CDH13: variants seen among roughly 807,000 people sequenced by gnomAD.
CDH13 encodes cadherin 13.
A neutral mutation model predicts 63.8 loss-of-function variants in CDH13; 24 were observed. That is an observed-to-expected ratio of 0.38 (90% CI 0.27 to 0.53). The LOEUF is 0.53. CDH13 is among the 20% of genes least tolerant of loss of function. CDH13 has a pLI of 0.85. For synonymous variants in CDH13, 503 were observed against 355.3 expected, an observed-to-expected ratio of 1.42 and a Z score of -4.67; for missense variants, 1,049 against 903.1, an observed-to-expected ratio of 1.16 and a Z score of -2.07.
intron 6 of CDH13, among the ~76,000 whole-genome samples, chr16:83,424,886 C>G (rs1262217144): frequency 6.6e-6 from 1 of 152,142 alleles, no homozygotes; most frequent in Admixed American, 6.5e-5. Context: ...CTCACACAGA[C>G]AAAGATTTAC....
At position 83,069,356 on chromosome 16, in the gene CDH13, A is replaced by G. The variant is rs542527531; in HGVS notation, c.366+37138A>G. On this transcript the variant is annotated intron_variant, in intron 3 of 13. Coordinates refer to ENST00000567109, the MANE Select transcript of CDH13 (RefSeq NM_001257.5). ...TCTGATTAATAAAAATAATTTGTAA[A>G]TATGATCACATAATTTTTGCAATAC... Among the ~76,000 whole-genome samples the G allele has an allele frequency of 3.2e-4, 48 of 152,294 alleles. No homozygotes were observed. The South Asian group carries it at 3.3e-3, about 11-fold the overall frequency.
At chr16:83,416,507 C>T (rs948498797) in intron 6 of CDH13, among the ~76,000 whole-genome samples, 2 of 152,162 alleles carry the variant, frequency 1.3e-5, no homozygotes, top group African/African-American at 4.8e-5. Context: ...TTAAGTATCT[C>T]CCAATATTCA....
chr16:82,878,862 G>C (rs2040595999), intron 2 of CDH13, among the ~76,000 whole-genome samples: 1 of 152,110 alleles, frequency 6.6e-6, no homozygotes, highest in Non-Finnish European at 1.5e-5. Flanking sequence ...AGATAGATCA[G>C]GACTGATTTT....
intron 5 of CDH13, among the ~76,000 whole-genome samples, chr16:83,232,829 T>C (rs920247900): frequency 2.0e-5 from 3 of 152,224 alleles, no homozygotes; most frequent in African/African-American, 7.2e-5. Flanking sequence ...TAGGAATTGA[T>C]AGCTCCAGCC....
chr16:82,783,075 C>G (rs1395874111), intron 1 of CDH13, among the ~76,000 whole-genome samples: 1 of 152,228 alleles, frequency 6.6e-6, no homozygotes, highest in Non-Finnish European at 1.5e-5. Context: ...TGCTTGTTGA[C>G]AACAGGTGTG....
chr16:82,744,424 C>G (rs1318477186), intron 1 of CDH13, among the ~76,000 whole-genome samples: 1 of 151,978 alleles, frequency 6.6e-6, no homozygotes, highest in Non-Finnish European at 1.5e-5. Context: ...TGGGATTGTT[C>G]CTCGGGTTCC....
At chr16:82,772,856 G>C (rs2035326218) in intron 1 of CDH13, among the ~76,000 whole-genome samples, 1 of 152,178 alleles carries the variant, frequency 6.6e-6, no homozygotes, top group Admixed American at 6.5e-5. Flanking sequence ...TGACAGAATA[G>C]GTCCCACTTC....
intron 5 of CDH13, among the ~76,000 whole-genome samples, chr16:83,344,307 T>C (rs1338572837): frequency 6.6e-6 from 1 of 152,188 alleles, no homozygotes; most frequent in African/African-American, 2.4e-5. Flanking sequence ...TGTTGTGAAA[T>C]CCTCCGAAAT....
chr16:82,921,768 A>C (rs2042162345), intron 2 of CDH13, among the ~76,000 whole-genome samples: 1 of 152,164 alleles, frequency 6.6e-6, no homozygotes, highest in Admixed American at 6.5e-5. Context: ...TCATAGAATG[A>C]GTTGGGAAGT....
intron 3 of CDH13, among the ~76,000 whole-genome samples, chr16:83,077,232 A>G (rs1251797056): frequency 1.8e-5 from 2 of 110,676 alleles, no homozygotes; most frequent in African/African-American, 7.4e-5. Context: ...TCACTCTGTC[A>G]CCTAGGCTGG....
At chr16:82,731,942 G>A (rs1024001273) in intron 1 of CDH13, among the ~76,000 whole-genome samples, 2 of 152,088 alleles carry the variant, frequency 1.3e-5, no homozygotes, top group Non-Finnish European at 2.9e-5. Flanking sequence ...AGGCCTTTGA[G>A]TGGTTCCTCC....
intron 6 of CDH13, among the ~76,000 whole-genome samples, chr16:83,412,187 C>A (rs746364234): frequency 2.0e-5 from 3 of 152,208 alleles, no homozygotes; most frequent in Non-Finnish European, 1.5e-5. Flanking sequence ...AAAGGCCAGG[C>A]ATGGTAGCTC....
At chr16:83,139,623 T>C (rs1174298841) in intron 4 of CDH13, among the ~76,000 whole-genome samples, 1 of 152,028 alleles carries the variant, frequency 6.6e-6, no homozygotes, top group Non-Finnish European at 1.5e-5. Context: ...TTTTTCCTTT[T>C]GCAAATCACT....
intron 1 of CDH13, among the ~76,000 whole-genome samples, chr16:82,757,251 G>T (rs2034646546): frequency 1.3e-5 from 2 of 152,142 alleles, no homozygotes; most frequent in Admixed American, 6.6e-5. Context: ...TTCAGATTTG[G>T]CTTGATGTAC....
At position 82,663,815 on chromosome 16, in the gene CDH13, C is replaced by A. The variant is rs193122344; in HGVS notation, c.45+36678C>A. ...GATCTCTGGTCCCCTTTGTGATCCT[C>A]TTCTAGGAGATTTACCTCTCTGCTA... On this transcript the variant is annotated intron_variant, in intron 1 of 13. Transcript: ENST00000567109. Among the ~76,000 whole-genome samples, 359 of 152,310 alleles carry A rather than the reference C, an allele frequency of 2.4e-3. 2 individuals carry two copies. The highest frequency in any genetic ancestry group is 5.8e-3 in the South Asian group (28 of 4,810).
intron 4 of CDH13, among the ~76,000 whole-genome samples, chr16:83,184,910 T>C (rs28692776): frequency 0.018 from 2,453 of 136,040 alleles, 70 homozygotes; most frequent in African/African-American, 0.084. Flanking sequence ...TGTGTGTGCG[T>C]GTGTGTGTGT....
At chr16:83,082,353 A>G (rs904622108) in intron 3 of CDH13, among the ~76,000 whole-genome samples, 2 of 152,122 alleles carry the variant, frequency 1.3e-5, no homozygotes, top group African/African-American at 4.8e-5. Flanking sequence ...AGATTCAGAA[A>G]GATCTCCCTG....
intron 2 of CDH13, among the ~76,000 whole-genome samples, chr16:82,869,262 T>A (rs1233784156): frequency 1.3e-5 from 2 of 152,082 alleles, no homozygotes; most frequent in Non-Finnish European, 2.9e-5. Flanking sequence ...GCCAGGCTGG[T>A]CTTGAACTCC....
At chr16:82,782,551 C>CA (rs5818406) in intron 1 of CDH13, among the ~76,000 whole-genome samples, 42,979 of 89,120 alleles carry the variant, frequency 0.48, 7,111 homozygotes, top group East Asian at 0.76. Context: ...GACTCCATCT[C>CA]AAAAAAAAAA....
Sources: gnomAD v4.1 joint callset for allele counts (sites outside exome capture counted in the v4.1 genomes callset) on GRCh38, gnomAD v4.1.1 for gene constraint, MANE v1.5 for transcripts, NCBI Gene and HGNC (gene_info 2026-07-23, HGNC 2026-07-21) for gene names.